Variants in NAALADL2 observed in about 807,000 individuals in gnomAD.
NAALADL2 encodes N-acetylated alpha-linked acidic dipeptidase like 2.
Under a neutral mutation model 87.2 loss-of-function variants are expected in NAALADL2, and 76 were observed. The ratio of observed to expected loss-of-function variants is 0.87; its 90% confidence interval spans 0.72 to 1.05. The LOEUF is 1.05. Ranked by LOEUF, NAALADL2 falls within the 50% of genes least tolerant of loss-of-function variation. The pLI, the probability that NAALADL2 is intolerant of heterozygous loss-of-function variation, is 0.00. For synonymous variants in NAALADL2, 354 were observed against 331.0 expected, an observed-to-expected ratio of 1.07 and a Z score of -0.75; for missense variants, 1,089 against 945.8, an observed-to-expected ratio of 1.15 and a Z score of -1.99.
At chr3:175,446,581 T>G (rs1720746068) in intron 5 of NAALADL2, among the ~76,000 whole-genome samples, 2 of 152,124 alleles carry the variant, frequency 1.3e-5, no homozygotes, top group African/African-American at 4.8e-5. Context: ...CTCGCTGTAT[T>G]TGGTGTCTCC....
At chr3:174,897,163 A>G (rs1281578776) in intron 1 of NAALADL2, among the ~76,000 whole-genome samples, 2 of 152,190 alleles carry the variant, frequency 1.3e-5, no homozygotes, top group Non-Finnish European at 2.9e-5. Context: ...AACATGGACA[A>G]ATTGAATCAT....
At chr3:175,000,562 C>A (rs958665296) in intron 1 of NAALADL2, among the ~76,000 whole-genome samples, 35 of 152,132 alleles carry the variant, frequency 2.3e-4, no homozygotes, top group African/African-American at 8.2e-4. Context: ...TGGGACTGGA[C>A]CTTTAACCTA....
chr3:175,258,743 C>G (rs1228696836), intron 4 of NAALADL2, among the ~76,000 whole-genome samples: 1 of 151,966 alleles, frequency 6.6e-6, no homozygotes, highest in Non-Finnish European at 1.5e-5. Context: ...AATGTATGTC[C>G]CCTGCAATGT....
intron 4 of NAALADL2, among the ~76,000 whole-genome samples, chr3:175,308,206 C>G (rs923743795): frequency 3.3e-5 from 5 of 152,164 alleles, no homozygotes; most frequent in African/African-American, 9.7e-5. Flanking sequence ...ACCGTAAGAT[C>G]AGTTGTGCTG....
chr3:174,450,515 A>G (rs1389735676), intron 1 of NAALADL2, among the ~76,000 whole-genome samples: 1 of 152,170 alleles, frequency 6.6e-6, no homozygotes, highest in Non-Finnish European at 1.5e-5. Flanking sequence ...GGAAGGCTTG[A>G]TGGTTGGTTT....
At position 175,437,734 on chromosome 3, in the gene NAALADL2, T is replaced by C. The variant is rs912219906; in HGVS notation, c.1091-9495T>C. ...GGCTACAGTAACCAAAACAGCATGG[T>C]ACTGGTACCAAAACAGAGATATAGA... On this transcript the variant is annotated intron_variant, in intron 5 of 13. Transcript: ENST00000454872. 3.9e-5 allele frequency among the ~76,000 whole-genome samples: 6 copies of C among 152,122 alleles called. No homozygotes were observed. The South Asian group carries it at 1.0e-3, about 26-fold the overall frequency.
chr3:175,568,017 C>A (rs998762111), intron 9 of NAALADL2, among the ~76,000 whole-genome samples: 15 of 151,848 alleles, frequency 9.9e-5, no homozygotes, highest in African/African-American at 2.4e-4. Context: ...CGCCCGGCCC[C>A]AAAAATTTCT....
At position 175,342,296 on chromosome 3, in the gene NAALADL2, G is replaced by A. The variant is rs530734024; in HGVS notation, c.1090+17971G>A. Among the ~76,000 whole-genome samples the A allele has an allele frequency of 7.9e-5, 12 of 152,228 alleles. No individual in the cohort carries two copies. In the East Asian group the frequency reaches 2.3e-3, roughly 29 times the overall value. ...AATCACAAGCACTGAGATAAAAGGA[G>A]CAGGTACTTTGTGATTACTTGTGGG... is the stretch of plus-strand genomic sequence containing the variant. On this transcript the variant is annotated intron_variant, in intron 5 of 13. Coordinates refer to ENST00000454872, the MANE Select transcript of NAALADL2 (RefSeq NM_207015.3).
chr3:175,657,933 G>A (rs62284547), intron 11 of NAALADL2, among the ~76,000 whole-genome samples: 11,690 of 151,782 alleles, frequency 0.077, 618 homozygotes, highest in Middle Eastern at 0.15. Context: ...GTGTTGCCAG[G>A]TTACAATCTC....
chr3:174,978,165 G>A (rs1744615924), intron 1 of NAALADL2, among the ~76,000 whole-genome samples: 1 of 152,182 alleles, frequency 6.6e-6, no homozygotes, highest in South Asian at 2.1e-4. Context: ...TTGCTCTTAA[G>A]TCTGGGCTCT....
intron 3 of NAALADL2, among the ~76,000 whole-genome samples, chr3:175,237,116 G>T (rs1023550124): frequency 6.6e-6 from 1 of 151,930 alleles, no homozygotes; most frequent in Non-Finnish European, 1.5e-5. Flanking sequence ...ATGTAGAGAG[G>T]TTTAATATTT....
intron 3 of NAALADL2, among the ~76,000 whole-genome samples, chr3:174,848,604 C>A (rs1724899811): frequency 6.6e-6 from 1 of 152,126 alleles, no homozygotes; most frequent in Non-Finnish European, 1.5e-5. Context: ...TTCTGAAAAT[C>A]TTCATGATAA....
chr3:174,900,138 A>G (rs1732135405), intron 1 of NAALADL2, among the ~76,000 whole-genome samples: 1 of 152,122 alleles, frequency 6.6e-6, no homozygotes, highest in South Asian at 2.1e-4. Flanking sequence ...CCATTTACAA[A>G]GCACCAATAA....
intron 3 of NAALADL2, among the ~76,000 whole-genome samples, chr3:174,751,457 G>T (rs1460190156): frequency 1.3e-5 from 2 of 152,066 alleles, no homozygotes; most frequent in Non-Finnish European, 2.9e-5. Context: ...GAGGTCAGGA[G>T]TTCGAGACCA....
At chr3:175,596,596 T>G (rs1383786003) in intron 10 of NAALADL2, among the ~76,000 whole-genome samples, 5 of 151,904 alleles carry the variant, frequency 3.3e-5, no homozygotes, top group Admixed American at 6.6e-5. Flanking sequence ...AGACTGAGTT[T>G]TTTTCCCATG....
Position 174,938,163 on chromosome 3 carries a change from C to A in NAALADL2, c.43+78713C>A, listed in dbSNP as rs544171821. 7.6e-4 allele frequency among the ~76,000 whole-genome samples: 116 copies of A among 152,094 alleles called. 2 individuals carry two copies. The South Asian group carries it at 0.023, about 30-fold the overall frequency. ...TTTGCAATAGTTACCTTTTCTGCTC[C>A]TCTCCTTCCTCCCACCCTGCACTCT... is the stretch of plus-strand genomic sequence containing the variant. On this transcript the variant is annotated intron_variant, in intron 1 of 13. Transcript: ENST00000454872.
intron 9 of NAALADL2, among the ~76,000 whole-genome samples, chr3:175,522,583 T>C (rs1394669842): frequency 6.6e-6 from 1 of 152,232 alleles, no homozygotes; most frequent in Non-Finnish European, 1.5e-5. Context: ...TGTGGTCTGC[T>C]CTAAGTAAGA....
At chr3:175,734,066 G>T (rs570980602) in intron 11 of NAALADL2, among the ~76,000 whole-genome samples, 1 of 152,172 alleles carries the variant, frequency 6.6e-6, no homozygotes, top group Non-Finnish European at 1.5e-5. Context: ...GCTGTTGGTG[G>T]ATCTACCATT....
At chr3:175,404,667 T>C (rs1002457342) in intron 5 of NAALADL2, among the ~76,000 whole-genome samples, 5 of 150,960 alleles carry the variant, frequency 3.3e-5, no homozygotes, top group East Asian at 1.9e-4. Context: ...CTATGACACA[T>C]AGAAAAATGT....
Sources: gnomAD v4.1 joint callset for allele counts (sites outside exome capture counted in the v4.1 genomes callset) on GRCh38, gnomAD v4.1.1 for gene constraint, MANE v1.5 for transcripts, NCBI Gene and HGNC (gene_info 2026-07-23, HGNC 2026-07-21) for gene names.